The following CPNE8 variants were observed in gnomAD, a reference collection of about 807,000 sequenced individuals.
CPNE8 encodes copine-8.
In CPNE8, 45 loss-of-function variants were observed where a neutral mutation model predicts 81.5. The observed-to-expected ratio is 0.55, with a 90% CI of 0.44 to 0.71. The LOEUF is 0.71. CPNE8 is among the 30% of genes least tolerant of loss of function. CPNE8 has a pLI of 0.00. For synonymous variants in CPNE8, 252 were observed against 226.3 expected (o/e 1.11, Z -1.02); for missense variants, 594 against 672.1 (o/e 0.88, Z 1.28).
In CPNE8 at chr12:38,772,633, G is replaced by A. The variant is rs533790644; in HGVS notation, c.471+3605C>T. Among the ~76,000 whole-genome samples the A allele has an allele frequency of 9.2e-5, 14 of 152,260 alleles. No individual in the cohort carries two copies. In the South Asian group the frequency reaches 2.7e-3, roughly 29 times the overall value. The stretch of plus-strand genomic sequence containing the variant: ...AAAAGGAAGCAGTGTCAGTGAGGAT[G>A]TAGAGAAAAGGAAACCCTTGTACAC... On this transcript the variant is annotated intron_variant, in intron 7 of 19. Transcript: ENST00000331366.
chr12:38,677,296 A>C (rs1306225047), intron 17 of CPNE8, among the ~76,000 whole-genome samples, 156 bp downstream of exon 17: 1 of 152,064 alleles, frequency 6.6e-6, no homozygotes, highest in Non-Finnish European at 1.5e-5. Flanking sequence ...TCAGTGGTAC[A>C]GATGTATATG....
intron 6 of CPNE8, among the ~76,000 whole-genome samples, chr12:38,813,025 G>A (rs1004569806): frequency 2.6e-5 from 4 of 152,170 alleles, no homozygotes; most frequent in Non-Finnish European, 4.4e-5. Context: ...CGGCCCACTG[G>A]AGAAAATTTA....
intron 13 of CPNE8, among the ~76,000 whole-genome samples, chr12:38,705,771 C>T (rs1385983595): frequency 6.6e-6 from 1 of 151,968 alleles, no homozygotes; most frequent in African/African-American, 2.4e-5. Flanking sequence ...GGGTTTGAGT[C>T]CCAGCAACCC....
chr12:38,705,473 T>C (rs1219900595), intron 13 of CPNE8, among the ~76,000 whole-genome samples: 4 of 152,168 alleles, frequency 2.6e-5, no homozygotes, highest in Non-Finnish European at 5.9e-5. Flanking sequence ...TTAATAGTTA[T>C]ATGGTATTTT....
At chr12:38,705,486 TCTCA>T (rs1414330034) in intron 13 of CPNE8, among the ~76,000 whole-genome samples, 2 of 152,166 alleles carry the variant, frequency 1.3e-5, no homozygotes, top group Non-Finnish European at 2.9e-5. Context: ...GGTATTTTTT[TCTCA>T]GAGTAGAAAT....
intron 1 of CPNE8, among the ~76,000 whole-genome samples, chr12:38,877,316 G>GA (rs1286280884): frequency 6.6e-6 from 1 of 152,014 alleles, no homozygotes; most frequent in Non-Finnish European, 1.5e-5. Flanking sequence ...ATTTTTCATA[G>GA]AAAAAAATCT....
At chr12:38,836,766 T>G (rs1364092719) in intron 5 of CPNE8, among the ~76,000 whole-genome samples, 1 of 152,178 alleles carries the variant, frequency 6.6e-6, no homozygotes, top group Non-Finnish European at 1.5e-5. Flanking sequence ...GTTCATTGAT[T>G]CTGTCTGATC....
rs573929359 is a variant in CPNE8, at chr12:38,901,143, C to T, written c.98+4294G>A. Among the ~76,000 whole-genome samples the T allele has an allele frequency of 1.4e-3, 206 of 152,242 alleles. 2 individuals carry two copies. The highest frequency in any genetic ancestry group is 4.6e-3 in the African/African-American group (189 of 41,536). On this transcript the variant is annotated intron_variant, in intron 1 of 19. Transcript: ENST00000331366. ...GGCTGAGGAAGGATAATTGCTTGAA[C>T]CTGGGAGGTGGAGGTTGCAGTGAGC...
At chr12:38,743,102 T>C (rs541044668) in intron 10 of CPNE8, among the ~76,000 whole-genome samples, 1 of 152,196 alleles carries the variant, frequency 6.6e-6, no homozygotes, top group Admixed American at 6.5e-5. Context: ...TACATTAATT[T>C]GATATTCTTA....
At chr12:38,706,685 G>C (rs931852383) in intron 13 of CPNE8, among the ~76,000 whole-genome samples, 28 of 152,136 alleles carry the variant, frequency 1.8e-4, no homozygotes, top group African/African-American at 5.6e-4. Flanking sequence ...CCAGTCTTTG[G>C]TTCAATCTCT....
intron 3 of CPNE8, among the ~76,000 whole-genome samples, chr12:38,857,853 G>A (rs759668959): frequency 6.6e-6 from 1 of 152,164 alleles, no homozygotes; most frequent in Admixed American, 6.5e-5. Context: ...CTGACATCGT[G>A]CCATTGCACT....
intron 6 of CPNE8, among the ~76,000 whole-genome samples, chr12:38,778,885 A>G (rs540092387): frequency 4.6e-5 from 7 of 152,248 alleles, no homozygotes; most frequent in African/African-American, 1.4e-4. Context: ...TGTTTCCACC[A>G]TGTATTTACT....
intron 19 of CPNE8, among the ~76,000 whole-genome samples, chr12:38,667,912 C>T (rs552011999): frequency 1.2e-3 from 182 of 152,236 alleles, no homozygotes; most frequent in African/African-American, 3.3e-3. Flanking sequence ...ATTCTCTTGC[C>T]TCCGCCTCCT....
chr12:38,771,917 G>T (rs1592075147), intron 7 of CPNE8, among the ~76,000 whole-genome samples: 2 of 152,252 alleles, frequency 1.3e-5, no homozygotes, highest in Middle Eastern at 6.8e-3. Context: ...GCTATGACTT[G>T]TTTGTCCCTA....
At chr12:38,763,281 TGTG>T (rs1187611323) in intron 8 of CPNE8, among the ~76,000 whole-genome samples, 1 of 152,168 alleles carries the variant, frequency 6.6e-6, no homozygotes, top group African/African-American at 2.4e-5. Flanking sequence ...AATGGGTTGA[TGTG>T]GTGGGATCAT....
intron 4 of CPNE8, among the ~76,000 whole-genome samples, chr12:38,840,922 T>C (rs567034868): frequency 6.6e-6 from 1 of 152,280 alleles, no homozygotes; most frequent in African/African-American, 2.4e-5. Flanking sequence ...AGGAAAATAT[T>C]TGTACTGACT....
chr12:38,698,457 CTTAT>C (rs1473090269), intron 14 of CPNE8, among the ~76,000 whole-genome samples: 3 of 152,104 alleles, frequency 2.0e-5, no homozygotes, highest in African/African-American at 4.8e-5. Flanking sequence ...AGTTTGGTAT[CTTAT>C]TTAAGAATCA....
intron 5 of CPNE8, among the ~76,000 whole-genome samples, chr12:38,832,338 A>G (rs961207728): frequency 6.6e-6 from 1 of 152,226 alleles, no homozygotes; most frequent in Non-Finnish European, 1.5e-5. Flanking sequence ...ACTAAGTCAG[A>G]AGTCATTTCC....
rs879519456 is a variant in CPNE8 at position 38,742,706 on chromosome 12, AT to A, written c.723-12349del. ...AATAAATAAATAAATAAATAAATAA[AT>A]AAATATAAAACATAAACCATAGGAA... is the stretch of plus-strand genomic sequence containing the variant. On this transcript the variant is annotated intron_variant, in intron 10 of 19. Coordinates refer to ENST00000331366, the MANE Select transcript of CPNE8 (RefSeq NM_153634.3). Among the ~76,000 whole-genome samples, 164 of 144,590 alleles carry A rather than the reference AT, an allele frequency of 1.1e-3. 1 individual carries two copies. Among genetic ancestry groups the A allele is most frequent in the South Asian group, 7.5e-3 (33 of 4,426 alleles). 94.9% of individuals were successfully genotyped at this position (144,590 alleles called of 152,430 possible). A position where few individuals can be genotyped will look rare whatever the true frequency, so the allele number is the denominator to read the frequency against.
Sources: allele counts gnomAD v4.1 joint callset (sites outside exome capture counted in the v4.1 genomes callset), GRCh38; gene constraint gnomAD v4.1.1; transcripts MANE v1.5; gene names NCBI Gene and HGNC (gene_info 2026-07-23, HGNC 2026-07-21).